Variants in GRAMD1C observed in about 807,000 individuals in gnomAD.
The protein encoded by GRAMD1C is GRAM domain containing 1C, also known as protein Aster-C.
A neutral mutation model predicts 97.8 loss-of-function variants in GRAMD1C; 89 were observed. That is an observed-to-expected ratio of 0.91 (90% CI 0.77 to 1.09). GRAMD1C has a LOEUF of 1.09. Among genes scored for constraint, GRAMD1C ranks in the 50% least tolerant of loss-of-function variants. GRAMD1C has a pLI of 0.00. For missense variants in GRAMD1C, 740 were observed against 766.4 expected, an observed-to-expected ratio of 0.97 and a Z score of 0.41; for synonymous variants, 256 against 267.0, an observed-to-expected ratio of 0.96 and a Z score of 0.40.
intron 6 of GRAMD1C, chr3:113,897,804 TGGTTTGCAGGTG>T (rs1457799723): frequency 1.0e-6 from 1 of 974,796 alleles, no homozygotes; most frequent in East Asian, 1.1e-4. Context: ...AGACTCTCCT[TGGTTTGCAGGTG>T]GGTGGTCAGC....
At chr3:113,891,689 G>A (rs1935730540) in intron 6 of GRAMD1C, among the ~76,000 whole-genome samples, 1 of 150,774 alleles carries the variant, frequency 6.6e-6, no homozygotes, top group African/African-American at 2.4e-5. Flanking sequence ...ACCAGCCTGG[G>A]CAACATAGAG....
At chr3:113,941,020 G>T (rs1937750578) in intron 17 of GRAMD1C, among the ~76,000 whole-genome samples, 1 of 152,196 alleles carries the variant, frequency 6.6e-6, no homozygotes, top group Non-Finnish European at 1.5e-5. Context: ...CGGGTGCACA[G>T]CTATCATTCT....
intron 2 of GRAMD1C, among the ~76,000 whole-genome samples, chr3:113,853,859 G>C (rs1252524251): frequency 6.6e-6 from 1 of 152,186 alleles, no homozygotes; most frequent in African/African-American, 2.4e-5. Flanking sequence ...ATTAGAGAGA[G>C]GCTTAAATGA....
At chr3:113,869,830 C>A (rs778839611) in intron 3 of GRAMD1C, among the ~76,000 whole-genome samples, 1 of 151,686 alleles carries the variant, frequency 6.6e-6, no homozygotes, top group Non-Finnish European at 1.5e-5. Context: ...TTGACAATAC[C>A]GAAGATATGG....
At chr3:113,861,580 C>G (rs1406544313) in intron 2 of GRAMD1C, among the ~76,000 whole-genome samples, 1 of 152,044 alleles carries the variant, frequency 6.6e-6, no homozygotes, top group Non-Finnish European at 1.5e-5. Context: ...AAAGATCACC[C>G]ACAGAATGAG....
chr3:113,911,727 C>CCTTCCTTT (rs1373918021), intron 9 of GRAMD1C, among the ~76,000 whole-genome samples: 7 of 93,910 alleles, frequency 7.5e-5, no homozygotes, highest in African/African-American at 1.3e-4. Context: ...TTCCTTCCTT[C>CCTTCCTTT]CTTTTCTTTC....
chr3:113,878,473 C>G (rs1426346049), intron 5 of GRAMD1C, among the ~76,000 whole-genome samples: 1 of 152,116 alleles, frequency 6.6e-6, no homozygotes, highest in Admixed American at 6.5e-5. Flanking sequence ...TTTTCAAACC[C>G]TTTAAGGGGG....
At chr3:113,941,519 C>T (rs1428583233) in intron 17 of GRAMD1C, among the ~76,000 whole-genome samples, 12 of 151,816 alleles carry the variant, frequency 7.9e-5, no homozygotes. Context: ...TCAATTTTAT[C>T]TTCAAATTCT....
At chr3:113,848,792 A>G (rs1933726461) in intron 2 of GRAMD1C, among the ~76,000 whole-genome samples, 1 of 152,158 alleles carries the variant, frequency 6.6e-6, no homozygotes, top group South Asian at 2.1e-4. Context: ...GGCGACAGAG[A>G]GAGACGCTGT....
At chr3:113,903,881 C>T (rs1936262202) in intron 7 of GRAMD1C, among the ~76,000 whole-genome samples, 1 of 151,914 alleles carries the variant, frequency 6.6e-6, no homozygotes, top group South Asian at 2.1e-4. Flanking sequence ...CTGTTACGGC[C>T]ATTTGTACTT....
At chr3:113,897,095 G>C (rs2107438713) in intron 6 of GRAMD1C, among the ~76,000 whole-genome samples, 1 of 152,184 alleles carries the variant, frequency 6.6e-6, no homozygotes. Context: ...GGCTCTTCCT[G>C]CTATTTCCTT....
At chr3:113,909,570 CT>C (rs1421972797) in intron 9 of GRAMD1C, among the ~76,000 whole-genome samples, 1 of 152,128 alleles carries the variant, frequency 6.6e-6, no homozygotes, top group Non-Finnish European at 1.5e-5. Flanking sequence ...GTCCAGTTTT[CT>C]TTTTACTTTA....
intron 2 of GRAMD1C, among the ~76,000 whole-genome samples, chr3:113,868,080 AT>A (rs1262973160): frequency 6.6e-6 from 1 of 151,998 alleles, no homozygotes; most frequent in Non-Finnish European, 1.5e-5. Flanking sequence ...CCTCTAGTGA[AT>A]TTTTTATTTG....
chr3:113,854,650 C>T (rs1052413103), intron 2 of GRAMD1C, among the ~76,000 whole-genome samples: 2 of 152,048 alleles, frequency 1.3e-5, no homozygotes, highest in African/African-American at 4.8e-5. Context: ...TAAAATTTGA[C>T]TTATGGTTGT....
At chr3:113,890,102 G>C (rs899532470) in intron 6 of GRAMD1C, among the ~76,000 whole-genome samples, 2 of 152,116 alleles carry the variant, frequency 1.3e-5, no homozygotes, top group Non-Finnish European at 2.9e-5. Flanking sequence ...CTCCTAAGCA[G>C]TGCCCAACTC....
At chr3:113,925,071 G>A (rs962830514) in intron 10 of GRAMD1C, among the ~76,000 whole-genome samples, 9 of 152,068 alleles carry the variant, frequency 5.9e-5, no homozygotes, top group African/African-American at 2.2e-4. Flanking sequence ...GTCTGTTTTG[G>A]TTTTGTCTGA....
Position 113,904,196 on chromosome 3 carries a change from A to C in GRAMD1C, c.713A>C (p.Lys238Thr). The change falls in exon 8 of 18, where the codon AAG becomes ACG. Residue 238 changes from lysine (K) to threonine (T), a missense_variant. By Grantham distance (78) the Lys-to-Thr change is moderately conservative. Transcript: ENST00000358160. ...DSGERDEKLS[K>T]SISFTSESIS... The stretch of plus-strand genomic sequence containing the variant: ...GGGGAGAGAGATGAAAAATTATCCA[A>C]GTCAATCAGTTTTACCAGTGAATCA... 1 of 1,608,186 alleles carries C rather than the reference A, an allele frequency of 6.2e-7. No individual in the cohort carries two copies.
intron 2 of GRAMD1C, chr3:113,850,260 C>A: frequency 1.5e-6 from 1 of 650,286 alleles, no homozygotes; most frequent in South Asian, 1.4e-5. Flanking sequence ...TGACCACGTC[C>A]ACGACCAAAT....
At chr3:113,870,505 A>T (rs1934760150) in intron 3 of GRAMD1C, among the ~76,000 whole-genome samples, 1 of 152,174 alleles carries the variant, frequency 6.6e-6, no homozygotes, top group Non-Finnish European at 1.5e-5. Flanking sequence ...GGAATAAGAT[A>T]TAGTGTTCAG....
Sources: allele counts gnomAD v4.1 joint callset (sites outside exome capture counted in the v4.1 genomes callset), GRCh38; gene constraint gnomAD v4.1.1; transcripts MANE v1.5; gene names NCBI Gene and HGNC (gene_info 2026-07-23, HGNC 2026-07-21).